The following RANBP17 variants were observed in gnomAD, a reference collection of about 807,000 sequenced individuals.
The protein encoded by RANBP17 is ran-binding protein 17.
Under a neutral mutation model 141.2 loss-of-function variants are expected in RANBP17, and 158 were observed. That is an observed-to-expected ratio of 1.12 (90% CI 0.98 to 1.28). RANBP17 has a LOEUF of 1.28. RANBP17 is among the 50% of genes most tolerant of loss of function. The pLI, the probability that RANBP17 is intolerant of heterozygous loss-of-function variation, is 0.00. For missense variants in RANBP17, 1,438 were observed against 1,290.7 expected (o/e 1.11, Z -1.75); for synonymous variants, 430 against 450.0 (o/e 0.96, Z 0.56).
At chr5:170,945,049 G>A (rs893621386) in intron 12 of RANBP17, among the ~76,000 whole-genome samples, 5 of 151,982 alleles carry the variant, frequency 3.3e-5, no homozygotes, top group Non-Finnish European at 7.4e-5. Context: ...CCATACATTT[G>A]TGTATTTAGT....
Position 170,896,074 on chromosome 5 carries a change from G to T in RANBP17, c.448G>T (p.Gly150Ter), listed in dbSNP as rs759010827. 3.7e-6 allele frequency: 6 copies of T among 1,608,362 alleles called. No homozygotes were observed. Among genetic ancestry groups the T allele is most frequent in the Non-Finnish European group, 5.1e-6 (6 of 1,177,588 alleles). The part of the protein sequence containing the change: ...LQGTVEHCII[G>*]VIILSELTQE... ...GGGTACTGTGGAACACTGCATAATAGGAGTAATAATCCTTTCTGAATTGAC... is the reference window on the plus strand; with the variant it reads ...GGGTACTGTGGAACACTGCATAATATGAGTAATAATCCTTTCTGAATTGAC... Residue 150 changes from glycine to a stop codon, truncating the protein, a stop_gained, in exon 5 of 28, where the codon GGA (glycine) becomes TGA (stop). Transcript: ENST00000523189. LOFTEE classifies it high-confidence loss of function.
chr5:171,029,205 G>A (rs1301514535), intron 14 of RANBP17: 1 of 162,614 alleles, frequency 6.1e-6, no homozygotes, highest in Non-Finnish European at 1.3e-5. Flanking sequence ...TGTGTATAAT[G>A]TGATCATTTT....
In RANBP17 at chr5:171,075,995, T is replaced by C. The variant is rs114516322; in HGVS notation, c.1711-94135T>C. 2.8e-3 allele frequency among the ~76,000 whole-genome samples: 429 copies of C among 152,202 alleles called. 3 individuals are homozygous for C. The highest frequency in any genetic ancestry group is 9.6e-3 in the African/African-American group (398 of 41,540). ...AAAACACACTTTAAATGGGGACTTATATGGTATGTGGATTATATCTCAATA... is the reference window on the plus strand; with the variant it reads ...AAAACACACTTTAAATGGGGACTTACATGGTATGTGGATTATATCTCAATA... On this transcript the variant is annotated intron_variant, in intron 14 of 27. Coordinates refer to ENST00000523189, the MANE Select transcript of RANBP17 (RefSeq NM_022897.5).
intron 14 of RANBP17, among the ~76,000 whole-genome samples, chr5:171,030,053 C>A (rs1445020243): frequency 4.6e-5 from 7 of 151,972 alleles, no homozygotes; most frequent in African/African-American, 1.7e-4. Context: ...CCAAGTGACT[C>A]TTAAGTTATG....
chr5:171,113,657 C>G (rs1755406750), intron 14 of RANBP17, among the ~76,000 whole-genome samples: 1 of 151,950 alleles, frequency 6.6e-6, no homozygotes, highest in Non-Finnish European at 1.5e-5. Flanking sequence ...GTTCACATAG[C>G]TAATAAAAAA....
At chr5:170,962,523 T>A (rs1298399629) in intron 13 of RANBP17, among the ~76,000 whole-genome samples, 3 of 152,238 alleles carry the variant, frequency 2.0e-5, no homozygotes. Context: ...ATACACCTTA[T>A]TTAAGTCACT....
chr5:171,206,157 C>A (rs112784875), intron 20 of RANBP17: 2,094 of 153,462 alleles, frequency 0.014, 6 homozygotes, highest in African/African-American at 0.019. Flanking sequence ...AAAAAAAAAA[C>A]CCCCCACAGA....
chr5:170,898,069 C>T (rs1355505929), intron 5 of RANBP17, among the ~76,000 whole-genome samples: 1 of 152,226 alleles, frequency 6.6e-6, no homozygotes, highest in Non-Finnish European at 1.5e-5. Flanking sequence ...TCTCTAGCAT[C>T]TGTTGTTTCC....
At chr5:171,061,696 C>G (rs1459533901) in intron 14 of RANBP17, among the ~76,000 whole-genome samples, 3 of 152,088 alleles carry the variant, frequency 2.0e-5, no homozygotes, top group Non-Finnish European at 4.4e-5. Flanking sequence ...GTGCAGAGCT[C>G]AGTTCAAATC....
chr5:171,137,571 G>GGTGTGTGTGTGTGTGTGTGTGTGT (rs757634108), intron 14 of RANBP17, among the ~76,000 whole-genome samples: 10 of 63,132 alleles, frequency 1.6e-4, no homozygotes, highest in African/African-American at 1.9e-4. Context: ...GTTGACTTGA[G>GGTGTGTGTGTGTGTGTGTGTGTGT]ATGTGTGTGT....
intron 6 of RANBP17, chr5:170,910,507 A>AC (rs1177530327): frequency 3.2e-5 from 5 of 156,726 alleles, no homozygotes; most frequent in Non-Finnish European, 7.0e-5. Flanking sequence ...ATAACCAGTT[A>AC]ACCTGTCAGC....
chr5:171,176,195 A>G (rs1438953197), intron 16 of RANBP17, among the ~76,000 whole-genome samples: 1 of 152,144 alleles, frequency 6.6e-6, no homozygotes, highest in Non-Finnish European at 1.5e-5. Context: ...TTTATCTACT[A>G]GTTTATTTCA....
chr5:171,045,483 A>T (rs1248474207), intron 14 of RANBP17, among the ~76,000 whole-genome samples: 2 of 152,152 alleles, frequency 1.3e-5, no homozygotes, highest in Admixed American at 1.3e-4. Context: ...CTCATTCTCA[A>T]AAAGAAAGAT....
intron 14 of RANBP17, among the ~76,000 whole-genome samples, chr5:171,152,429 A>G (rs1399862632): frequency 1.1e-4 from 17 of 151,542 alleles, no homozygotes. Context: ...AAAAAAAAAA[A>G]AGGGCCCCAA....
intron 14 of RANBP17, among the ~76,000 whole-genome samples, chr5:171,137,570 A>AGG (rs1357471645): frequency 2.5e-4 from 17 of 69,336 alleles, no homozygotes; most frequent in African/African-American, 7.0e-4. Flanking sequence ...TGTTGACTTG[A>AGG]GATGTGTGTG....
At chr5:170,879,281 A>T (rs1768458489) in intron 2 of RANBP17, among the ~76,000 whole-genome samples, 1 of 152,192 alleles carries the variant, frequency 6.6e-6, no homozygotes, top group African/African-American at 2.4e-5. Flanking sequence ...TTAAATGTTG[A>T]TATTTGCCTT....
intron 14 of RANBP17, among the ~76,000 whole-genome samples, chr5:171,031,600 T>C (rs1207529976): frequency 6.6e-6 from 1 of 152,054 alleles, no homozygotes; most frequent in Non-Finnish European, 1.5e-5. Flanking sequence ...ATTGAAATCA[T>C]GTTTTAAATT....
chr5:170,897,338 A>G, intron 5 of RANBP17: 1 of 553,264 alleles, frequency 1.8e-6, no homozygotes, highest in African/African-American at 2.0e-5. Flanking sequence ...TGGGCTTGGC[A>G]CATTTCTTCT....
At chr5:171,053,693 C>G (rs998619271) in intron 14 of RANBP17, among the ~76,000 whole-genome samples, 4 of 150,982 alleles carry the variant, frequency 2.6e-5, no homozygotes, top group Non-Finnish European at 4.4e-5. Flanking sequence ...TTTCCCCACT[C>G]TGCAATTTGT....
Sources: gnomAD v4.1 joint callset for allele counts (sites outside exome capture counted in the v4.1 genomes callset) on GRCh38, gnomAD v4.1.1 for gene constraint, MANE v1.5 for transcripts, NCBI Gene and HGNC (gene_info 2026-07-23, HGNC 2026-07-21) for gene names.